The following SLC9A3 variants were observed in gnomAD, a reference collection of about 807,000 sequenced individuals.
The protein encoded by SLC9A3 is sodium/hydrogen exchanger 3.
A neutral mutation model predicts 86.8 loss-of-function variants in SLC9A3; 37 were observed. The observed-to-expected ratio is 0.43, with a 90% CI of 0.33 to 0.56. The LOEUF (loss-of-function observed/expected upper bound fraction) is 0.56. SLC9A3 is among the 20% of genes least tolerant of loss of function. The pLI is 0.06. For synonymous variants in SLC9A3, 581 were observed against 528.3 expected (o/e 1.10, Z -1.37); for missense variants, 1,011 against 1,171.9 (o/e 0.86, Z 2.00).
chr5:508,723 A>G (rs1234072629), intron 1 of SLC9A3, among the ~76,000 whole-genome samples: 1 of 152,224 alleles, frequency 6.6e-6, no homozygotes, highest in Non-Finnish European at 1.5e-5. Context: ...CCACGCCGTA[A>G]AGGACAAGGA....
intron 9 of SLC9A3, chr5:480,523 G>C (rs1398177087): frequency 6.4e-6 from 1 of 155,250 alleles, no homozygotes; most frequent in Non-Finnish European, 1.4e-5. Flanking sequence ...GCCCGGGTGA[G>C]CTTGTGTGCT....
At position 475,061 on chromosome 5, in the gene SLC9A3, G is replaced by A. The variant is rs1401280220; in HGVS notation, c.2323C>T (p.Leu775=). ...RSLLARLPPW[L]SPGETVVPSQ... ...GGGACCACCGTCTCCCCGGGAGACAGCCAGGGCGGCAGCCTGGCCAGGAGG... is the reference window on the plus strand; with the variant it reads ...GGGACCACCGTCTCCCCGGGAGACAACCAGGGCGGCAGCCTGGCCAGGAGG... The change falls in exon 16 of 17, where the codon CTG becomes TTG. Residue 775 remains leucine, a synonymous_variant. Transcript: ENST00000264938. 14 of 1,612,022 alleles carry A rather than the reference G, an allele frequency of 8.7e-6. No individual in the cohort carries two copies. Among genetic ancestry groups the A allele is most frequent in the African/African-American group, 1.3e-5 (1 of 74,890 alleles).
At position 495,252 on chromosome 5, in the gene SLC9A3, C is replaced by T. The variant is rs368315715; in HGVS notation, c.212-3181G>A. On this transcript the variant is annotated intron_variant, in intron 1 of 16. Coordinates refer to ENST00000264938, the MANE Select transcript of SLC9A3 (RefSeq NM_004174.4). Reference sequence around the variant, plus strand: ...CAGTCTTCCAAAATTAGGTTCACAGCGATCACCACCGTTGTGAAGCCACCC... The same window carrying T: ...CAGTCTTCCAAAATTAGGTTCACAGTGATCACCACCGTTGTGAAGCCACCC... 2.9e-4 allele frequency among the ~76,000 whole-genome samples: 44 copies of T among 152,234 alleles called. 1 individual carries two copies. The East Asian group carries it at 3.3e-3, about 11-fold the overall frequency.
chr5:522,144 G>A (rs139291953), intron 1 of SLC9A3, among the ~76,000 whole-genome samples: 1 of 152,148 alleles, frequency 6.6e-6, no homozygotes, highest in Non-Finnish European at 1.5e-5. Flanking sequence ...CCAACAATCC[G>A]AGACAAAGAC....
chr5:522,694 G>C (rs147763297), intron 1 of SLC9A3, among the ~76,000 whole-genome samples: 1 of 149,830 alleles, frequency 6.7e-6, no homozygotes, highest in South Asian at 2.1e-4. Context: ...AGCCGAGATC[G>C]CGTCATTGCA....
chr5:502,457 G>A (rs560072713), intron 1 of SLC9A3, among the ~76,000 whole-genome samples: 16 of 152,352 alleles, frequency 1.1e-4, no homozygotes, highest in African/African-American at 1.4e-4. Context: ...ACCCAGCGGC[G>A]CCTACCAGGG....
Position 483,408 on chromosome 5 carries a change from C to T in SLC9A3, c.1007G>A (p.Arg336His), listed in dbSNP as rs752227359. 4.0e-5 allele frequency: 63 copies of T among 1,564,096 alleles called. No homozygotes were observed. The highest frequency in any genetic ancestry group is 2.1e-4 in the East Asian group (9 of 42,274). The change falls in exon 6 of 17, where the codon CGC (arginine) becomes CAC (histidine). Residue 336 changes from arginine (R) to histidine (H), a missense_variant. Transcript: ENST00000264938. Reference protein sequence around the residue: ...NISEQSATTVRYTMKMLASSA... With the variant: ...NISEQSATTVHYTMKMLASSA... ...GCTGGCCAGCATCTTCATGGTGTAG[C>T]GCACGGTGGTGGCCGACTGCTCCGA... is the stretch of plus-strand genomic sequence containing the variant.
At chr5:507,158 T>G (rs1001935566) in intron 1 of SLC9A3, among the ~76,000 whole-genome samples, 2 of 101,132 alleles carry the variant, frequency 2.0e-5, no homozygotes, top group Non-Finnish European at 2.0e-5. Context: ...GGGATCCGGC[T>G]GCTGCTTCTT....
At chr5:520,060 C>T (rs907442755) in intron 1 of SLC9A3, among the ~76,000 whole-genome samples, 2 of 152,160 alleles carry the variant, frequency 1.3e-5, no homozygotes, top group African/African-American at 2.4e-5. Context: ...CCCACCGCCC[C>T]CACCCAGCCC....
At chr5:523,329 G>C (rs968995206) in intron 1 of SLC9A3, among the ~76,000 whole-genome samples, 12 of 152,164 alleles carry the variant, frequency 7.9e-5, no homozygotes, top group Non-Finnish European at 1.3e-4. Flanking sequence ...CCAGTCCAAA[G>C]CTGCTCTGGA....
At chr5:477,495 T>A in intron 10 of SLC9A3, 51 bp from the exon 11 acceptor site, 1 of 1,375,288 alleles carries the variant, frequency 7.3e-7, no homozygotes, top group Non-Finnish European at 1.0e-6. Context: ...AAGCCCTAGC[T>A]GCTGCCATTG....
rs1739301640 is a variant in SLC9A3 at position 483,246 on chromosome 5, C to T, written c.1153+16G>A. ...CCCATCGGTGGTCCCACGGCCGCAACCCGGCCCCGCCTCACCGATGGCCCG... is the reference window on the plus strand; with the variant it reads ...CCCATCGGTGGTCCCACGGCCGCAATCCGGCCCCGCCTCACCGATGGCCCG... On this transcript the variant is annotated intron_variant, in intron 6 of 16. Coordinates refer to ENST00000264938, the MANE Select transcript of SLC9A3 (RefSeq NM_004174.4). 1 of 1,528,792 alleles carries T rather than the reference C, an allele frequency of 6.5e-7. No individual in the cohort carries two copies. Among genetic ancestry groups the T allele is most frequent in the South Asian group, 1.2e-5 (1 of 83,622 alleles). The allele number at this position is 1,528,792 out of a possible 1,614,324, so 94.7% of individuals were successfully genotyped here. A position where few individuals can be genotyped will look rare whatever the true frequency, so the allele number is the denominator to read the frequency against.
Position 496,034 on chromosome 5 carries a change from T to C in SLC9A3, c.212-3963A>G, listed in dbSNP as rs1347194022. ...GGACACTGGTGGGTGAGGGACAGGC[T>C]GGCTTCAGACCAAACACTCCTGCTC... On this transcript the variant is annotated intron_variant, in intron 1 of 16. Coordinates refer to ENST00000264938, the MANE Select transcript of SLC9A3 (RefSeq NM_004174.4). The surrounding 1 kb of genome is among the most constrained non-coding windows in gnomAD (Gnocchi z 4.7). Among the ~76,000 whole-genome samples, 1 of 152,246 alleles carries C rather than the reference T, an allele frequency of 6.6e-6. No individual in the cohort carries two copies. The highest frequency in any genetic ancestry group is 2.4e-5 in the African/African-American group (1 of 41,462).
intron 1 of SLC9A3, among the ~76,000 whole-genome samples, chr5:518,723 T>C (rs968427223): frequency 6.6e-6 from 1 of 152,134 alleles, no homozygotes; most frequent in Non-Finnish European, 1.5e-5. Context: ...GCAGTAGACA[T>C]GAGGCTGGTT....
chr5:514,273 C>G (rs1336639809), intron 1 of SLC9A3, among the ~76,000 whole-genome samples: 1 of 152,238 alleles, frequency 6.6e-6, no homozygotes, highest in Non-Finnish European at 1.5e-5. Context: ...GCTTCACACA[C>G]TCCCTCTTCC....
chr5:473,440 C>G, intron 16 of SLC9A3, 58 bp from the exon 17 acceptor site: 1 of 1,325,348 alleles, frequency 7.5e-7, no homozygotes, highest in Admixed American at 3.4e-5. Context: ...GCGGGAGGGG[C>G]GTCCCCGGGG....
intron 9 of SLC9A3, among the ~76,000 whole-genome samples, chr5:481,079 G>GACA (rs1402525341): frequency 2.6e-5 from 4 of 151,902 alleles, no homozygotes; most frequent in Non-Finnish European, 4.4e-5. Context: ...TAGTAGAGAC[G>GACA]GGGTTTCACC....
At chr5:514,455 C>T (rs1228130504) in intron 1 of SLC9A3, among the ~76,000 whole-genome samples, 1 of 152,204 alleles carries the variant, frequency 6.6e-6, no homozygotes, top group African/African-American at 2.4e-5. Flanking sequence ...CCCACCCTGC[C>T]CCCCGAGGCC....
chr5:520,549 G>A (rs951278248), intron 1 of SLC9A3, among the ~76,000 whole-genome samples: 3 of 152,066 alleles, frequency 2.0e-5, no homozygotes, highest in Non-Finnish European at 4.4e-5. Context: ...CCATCCTCCC[G>A]GAATCTCCCC....
Sources: gnomAD v4.1 joint callset for allele counts (sites outside exome capture counted in the v4.1 genomes callset) on GRCh38, gnomAD v4.1.1 for gene constraint, Gnocchi (gnomAD v3.1) non-coding constraint, MANE v1.5 for transcripts, NCBI Gene and HGNC (gene_info 2026-07-23, HGNC 2026-07-21) for gene names.